The following NRXN1 variants were observed in gnomAD, a reference collection of about 807,000 sequenced individuals.
The protein encoded by NRXN1 is neurexin 1.
A neutral mutation model predicts 150.9 loss-of-function variants in NRXN1; 39 were observed. The observed-to-expected ratio is 0.26, with a 90% CI of 0.20 to 0.34. The LOEUF (loss-of-function observed/expected upper bound fraction) is 0.34. Among genes scored for constraint, NRXN1 ranks in the 10% least tolerant of loss-of-function variants. The pLI, the probability that NRXN1 is intolerant of heterozygous loss-of-function variation, is 1.00. For synonymous variants in NRXN1, 924 were observed against 757.0 expected (o/e 1.22, Z -3.62); for missense variants, 1,815 against 1,949.9 (o/e 0.93, Z 1.30).
chr2:49,985,158 A>G (rs1286051674), intron 21 of NRXN1, among the ~76,000 whole-genome samples: 1 of 152,186 alleles, frequency 6.6e-6, no homozygotes, highest in African/African-American at 2.4e-5. Flanking sequence ...GAAAATTTCC[A>G]TAAGGTATCA....
At chr2:50,865,668 T>G (rs999308603) in intron 5 of NRXN1, among the ~76,000 whole-genome samples, 1 of 132,566 alleles carries the variant, frequency 7.5e-6, no homozygotes, top group Non-Finnish European at 1.6e-5. Context: ...GTTTTTTTTT[T>G]TTTTTTTTTT....
intron 21 of NRXN1, among the ~76,000 whole-genome samples, chr2:50,001,565 C>T (rs2152534192): frequency 6.6e-6 from 1 of 152,196 alleles, no homozygotes; most frequent in African/African-American, 2.4e-5. Context: ...TGCTGCCCAG[C>T]TGCGTGCTTT....
intron 17 of NRXN1, among the ~76,000 whole-genome samples, chr2:50,428,073 A>C (rs1181857382): frequency 1.3e-4 from 20 of 152,176 alleles, no homozygotes; most frequent in Non-Finnish European, 4.4e-5. Context: ...CTCAGGCCCA[A>C]ATTCTTTAGG....
chr2:50,028,049 G>A (rs894713345), intron 21 of NRXN1, among the ~76,000 whole-genome samples: 7 of 151,934 alleles, frequency 4.6e-5, no homozygotes, highest in African/African-American at 1.7e-4. Flanking sequence ...AGGTGAGAGA[G>A]GCTGTGGAGA....
At chr2:50,475,606 G>T (rs1445590243) in intron 15 of NRXN1, among the ~76,000 whole-genome samples, 1 of 151,998 alleles carries the variant, frequency 6.6e-6, no homozygotes, top group Non-Finnish European at 1.5e-5. Context: ...CAAGCAGTGT[G>T]GGATACAACC....
intron 17 of NRXN1, among the ~76,000 whole-genome samples, chr2:50,360,405 T>C (rs2079107412): frequency 6.6e-6 from 1 of 152,076 alleles, no homozygotes; most frequent in African/African-American, 2.4e-5. Flanking sequence ...AATAAAATGA[T>C]GGAGGAAGAT....
intron 12 of NRXN1, among the ~76,000 whole-genome samples, chr2:50,524,353 C>T (rs1024387135): frequency 1.3e-5 from 2 of 151,968 alleles, no homozygotes; most frequent in African/African-American, 4.8e-5. Context: ...CTGGTGCACG[C>T]CTGTAGTTCC....
intron 17 of NRXN1, among the ~76,000 whole-genome samples, chr2:50,244,954 A>G (rs899578948): frequency 6.6e-6 from 1 of 151,912 alleles, no homozygotes; most frequent in Non-Finnish European, 1.5e-5. Context: ...CTATGTGTGT[A>G]TATGTATTTT....
chr2:50,995,371 GT>G (rs1455350246), intron 2 of NRXN1, among the ~76,000 whole-genome samples: 1 of 151,998 alleles, frequency 6.6e-6, no homozygotes, highest in Non-Finnish European at 1.5e-5. Context: ...GCCGAGGTGG[GT>G]GGATCACCTA....
chr2:50,092,255 T>C (rs1380407424), intron 18 of NRXN1, among the ~76,000 whole-genome samples: 1 of 152,206 alleles, frequency 6.6e-6, no homozygotes. Context: ...TCATTCTAAC[T>C]ATAAAGTTGT....
At chr2:50,292,319 T>C (rs2073026032) in intron 17 of NRXN1, among the ~76,000 whole-genome samples, 1 of 152,188 alleles carries the variant, frequency 6.6e-6, no homozygotes, top group Admixed American at 6.6e-5. Context: ...GTTTTTGTAG[T>C]ATAACAGGTA....
chr2:50,629,503 G>C (rs570877433), intron 5 of NRXN1, among the ~76,000 whole-genome samples: 2 of 151,596 alleles, frequency 1.3e-5, no homozygotes, highest in South Asian at 2.1e-4. Flanking sequence ...GAACTCTTGG[G>C]GTACAATTAA....
At chr2:50,618,779 T>C (rs1017732886) in intron 8 of NRXN1, among the ~76,000 whole-genome samples, 1 of 149,968 alleles carries the variant, frequency 6.7e-6, no homozygotes, top group Admixed American at 6.7e-5. Flanking sequence ...ATAATAATAA[T>C]AAATAATAAT....
intron 8 of NRXN1, among the ~76,000 whole-genome samples, chr2:50,567,909 G>A (rs1296377229): frequency 6.6e-6 from 1 of 151,948 alleles, no homozygotes; most frequent in African/African-American, 2.4e-5. Flanking sequence ...AGTAGAAAAG[G>A]CCCACTGCTA....
intron 5 of NRXN1, among the ~76,000 whole-genome samples, chr2:50,635,634 T>C (rs1683129126): frequency 1.3e-5 from 2 of 152,132 alleles, no homozygotes; most frequent in African/African-American, 2.4e-5. Flanking sequence ...AGGCTCTACA[T>C]GTGATTCTAT....
At chr2:50,388,983 G>A (rs1424746675) in intron 17 of NRXN1, among the ~76,000 whole-genome samples, 5 of 152,068 alleles carry the variant, frequency 3.3e-5, no homozygotes, top group African/African-American at 1.2e-4. Flanking sequence ...CCTGGGCAAC[G>A]TGGTGAAACC....
chr2:50,248,155 G>A (rs984161923), intron 17 of NRXN1, among the ~76,000 whole-genome samples: 4 of 151,990 alleles, frequency 2.6e-5, no homozygotes, highest in African/African-American at 7.2e-5. Flanking sequence ...TGGGGCTTCA[G>A]GCACATGGCC....
chr2:50,638,729 C>G (rs1032987694), intron 5 of NRXN1, among the ~76,000 whole-genome samples: 3 of 152,112 alleles, frequency 2.0e-5, no homozygotes, highest in African/African-American at 7.2e-5. Flanking sequence ...TTTTAAAGAT[C>G]ATTTTCCTTG....
At chr2:50,628,759 C>T (rs1178341757) in intron 5 of NRXN1, among the ~76,000 whole-genome samples, 3 of 151,384 alleles carry the variant, frequency 2.0e-5, no homozygotes, top group South Asian at 2.1e-4. Context: ...CCCAAAGCCA[C>T]GTAAATGTCA....
Sources: allele counts gnomAD v4.1 joint callset (sites outside exome capture counted in the v4.1 genomes callset), GRCh38; gene constraint gnomAD v4.1.1; transcripts MANE v1.5; gene names NCBI Gene and HGNC (gene_info 2026-07-23, HGNC 2026-07-21).